Variants in IFT80 observed in about 807,000 individuals in gnomAD.
The protein encoded by IFT80 is intraflagellar transport protein 80 homolog.
In IFT80, 79 loss-of-function variants were observed where a neutral mutation model predicts 107.9. That is an observed-to-expected ratio of 0.73 (90% confidence interval 0.61 to 0.88). The LOEUF (loss-of-function observed/expected upper bound fraction) is 0.88. IFT80 is among the 40% of genes least tolerant of loss of function. The pLI, the probability that IFT80 is intolerant of heterozygous loss-of-function variation, is 0.00. For missense variants in IFT80, 797 were observed against 914.2 expected (o/e 0.87, Z 1.65); for synonymous variants, 299 against 300.9 (o/e 0.99, Z 0.07).
At position 160,378,240 on chromosome 3, in the gene IFT80, TA is replaced by T. The variant is rs796824605; in HGVS notation, c.260-701del. Among the ~76,000 whole-genome samples, 1,147 of 133,542 alleles carry T rather than the reference TA, an allele frequency of 8.6e-3. 3 individuals are homozygous for T. The highest frequency in any genetic ancestry group is 0.015 in the African/African-American group (558 of 36,806). The allele number at this position is 133,542 out of a possible 152,430, so 87.6% of individuals were successfully genotyped here. A position where few individuals can be genotyped will look rare whatever the true frequency, so the allele number is the denominator to read the frequency against. On this transcript the variant is annotated intron_variant, in intron 3 of 19. Coordinates refer to ENST00000326448, the MANE Select transcript of IFT80 (RefSeq NM_020800.3). Reference sequence around the variant, plus strand: ...CCTTTTCCAGCTTTTTTATAGCCTATAAAAAAAAAAAAAAGTAAAGACTGCA... The same window carrying T: ...CCTTTTCCAGCTTTTTTATAGCCTATAAAAAAAAAAAAAGTAAAGACTGCA...
At chr3:160,347,890 T>A (rs1230284850) in intron 8 of IFT80, among the ~76,000 whole-genome samples, 2 of 152,214 alleles carry the variant, frequency 1.3e-5, no homozygotes, top group Non-Finnish European at 2.9e-5. Flanking sequence ...TACACAATGA[T>A]CTCTTTAAAG....
intron 3 of IFT80, among the ~76,000 whole-genome samples, chr3:160,380,229 G>A (rs1163447132): frequency 6.6e-6 from 1 of 151,666 alleles, no homozygotes; most frequent in Admixed American, 6.6e-5. Context: ...ACAGACGGGG[G>A]TTTCATCATG....
intron 8 of IFT80, among the ~76,000 whole-genome samples, chr3:160,336,979 C>G (rs1719529339): frequency 6.6e-6 from 1 of 152,278 alleles, no homozygotes; most frequent in African/African-American, 2.4e-5. Flanking sequence ...CCCCTCCTCT[C>G]CTTTTCTCCA....
chr3:160,320,342 C>A (rs571468768), intron 8 of IFT80, among the ~76,000 whole-genome samples: 4 of 151,976 alleles, frequency 2.6e-5, no homozygotes, highest in African/African-American at 7.2e-5. Context: ...TGTCACAAAA[C>A]AATTGAAACT....
chr3:160,338,675 T>G (rs939535945), intron 8 of IFT80, among the ~76,000 whole-genome samples: 1 of 149,702 alleles, frequency 6.7e-6, no homozygotes, highest in Non-Finnish European at 1.5e-5. Flanking sequence ...TGAGAACCCA[T>G]GTGTGTATCT....
At chr3:160,377,323 T>G (rs919058023) in intron 4 of IFT80, 107 bp downstream of exon 4, 37 of 700,834 alleles carry the variant, frequency 5.3e-5, no homozygotes, top group Non-Finnish European at 8.6e-5. Flanking sequence ...GCCAATTATT[T>G]GCTATTACAC....
At chr3:160,370,073 T>A (rs1346672144) in intron 5 of IFT80, among the ~76,000 whole-genome samples, 1 of 152,136 alleles carries the variant, frequency 6.6e-6, no homozygotes, top group Non-Finnish European at 1.5e-5. Flanking sequence ...GTATTTCAAT[T>A]GTTTTAAGGA....
chr3:160,282,427 A>T, intron 14 of IFT80, 51 bp downstream of exon 14: 2 of 1,214,824 alleles, frequency 1.6e-6, no homozygotes, highest in Non-Finnish European at 1.2e-6. Flanking sequence ...TATTACAGCA[A>T]ATATAAGAAA....
At chr3:160,276,009 A>G (rs1463105313) in intron 18 of IFT80, among the ~76,000 whole-genome samples, 1 of 152,122 alleles carries the variant, frequency 6.6e-6, no homozygotes, top group Non-Finnish European at 1.5e-5. Flanking sequence ...CTGGGATTAC[A>G]GGCGTGTGCC....
chr3:160,327,082 C>T (rs550031566), intron 8 of IFT80, among the ~76,000 whole-genome samples: 1 of 152,066 alleles, frequency 6.6e-6, no homozygotes, highest in African/African-American at 2.4e-5. Context: ...ACAACTGTCA[C>T]AAAAAGAATA....
intron 6 of IFT80, among the ~76,000 whole-genome samples, chr3:160,358,568 T>C (rs1025539677): frequency 8.0e-5 from 12 of 150,938 alleles, no homozygotes; most frequent in African/African-American, 2.9e-4. Flanking sequence ...TTGGTTCCAG[T>C]ACCTCCCATT....
chr3:160,382,591 C>A (rs959962987), intron 2 of IFT80, among the ~76,000 whole-genome samples: 1 of 152,124 alleles, frequency 6.6e-6, no homozygotes, highest in African/African-American at 2.4e-5. Context: ...ACCTAAAAGG[C>A]ATTTCAGTTT....
At chr3:160,383,387 C>T (rs554812621) in intron 2 of IFT80, 113 of 804,086 alleles carry the variant, frequency 1.4e-4, no homozygotes, top group Admixed American at 5.0e-4. Context: ...ATTACATCTT[C>T]ACTTAATAGT....
chr3:160,301,188 C>T (rs1246158235), intron 11 of IFT80, 142 bp from the exon 12 acceptor site: 1 of 820,828 alleles, frequency 1.2e-6, no homozygotes, highest in East Asian at 3.1e-5. Context: ...AGGAACAAAA[C>T]ATTTTAAACA....
In IFT80 at chr3:160,383,635, C is replaced by T. The variant is rs151031072; in HGVS notation, c.37+929G>A. Reference sequence around the variant, plus strand: ...TCAGCCCTTACTTTCAATTTATTTACCTATTCTTTCACAGACCTGCAATAA... The same window carrying T: ...TCAGCCCTTACTTTCAATTTATTTATCTATTCTTTCACAGACCTGCAATAA... On this transcript the variant is annotated intron_variant, in intron 2 of 19. Coordinates refer to ENST00000326448, the MANE Select transcript of IFT80 (RefSeq NM_020800.3). 3,815 of 975,226 alleles carry T rather than the reference C, an allele frequency of 3.9e-3. 9 individuals are homozygous for T. The highest frequency in any genetic ancestry group is 0.013 in the Middle Eastern group (25 of 1,890). 60.4% of individuals were successfully genotyped at this position (975,226 alleles called of 1,614,324 possible). A position where few individuals can be genotyped will look rare whatever the true frequency, so the allele number is the denominator to read the frequency against.
At chr3:160,342,246 G>C (rs1037030492) in intron 8 of IFT80, among the ~76,000 whole-genome samples, 4 of 152,128 alleles carry the variant, frequency 2.6e-5, no homozygotes, top group African/African-American at 9.7e-5. Flanking sequence ...CTTTGACTTT[G>C]TAAACTCACC....
Position 160,277,469 on chromosome 3 carries a change from C to A in IFT80, c.1936G>T (p.Val646Phe), listed in dbSNP as rs752617502. 5.4e-5 allele frequency: 86 copies of A among 1,602,740 alleles called. No individual in the cohort carries two copies. Among genetic ancestry groups the A allele is most frequent in the Admixed American group, 1.0e-4 (6 of 59,808 alleles). The change falls in exon 18 of 20, where the codon GTT (valine) becomes TTT (phenylalanine). Residue 646 changes from valine to phenylalanine, a missense_variant. By Grantham distance (50) the Val-to-Phe change is conservative (BLOSUM62 -1). Coordinates refer to ENST00000326448, the MANE Select transcript of IFT80 (RefSeq NM_020800.3). The part of the protein sequence containing the change: ...AYAAIGEIDK[V>F]QYINSIKNLP... ...TTTTTTATAGAATTGATGTACTGAA[C>A]CTTATCAATCTAAAAAAGAAAAGAA...
At chr3:160,300,024 C>A (rs779204130) in intron 12 of IFT80, among the ~76,000 whole-genome samples, 29 of 152,156 alleles carry the variant, frequency 1.9e-4, no homozygotes, top group Non-Finnish European at 3.8e-4. Flanking sequence ...TCATTTTGAC[C>A]CAGTCACATG....
chr3:160,302,703 T>C (rs1408987396), intron 11 of IFT80, among the ~76,000 whole-genome samples: 1 of 151,954 alleles, frequency 6.6e-6, no homozygotes, highest in Non-Finnish European at 1.5e-5. Context: ...GAAACATGAT[T>C]TTTTAGATAG....
Sources: allele counts gnomAD v4.1 joint callset (sites outside exome capture counted in the v4.1 genomes callset), GRCh38; gene constraint gnomAD v4.1.1; transcripts MANE v1.5; gene names NCBI Gene and HGNC (gene_info 2026-07-23, HGNC 2026-07-21).